NAALADL2: variants seen among roughly 807,000 people sequenced by gnomAD.
NAALADL2 encodes the protein N-acetylated alpha-linked acidic dipeptidase like 2, also known as inactive N-acetylated-alpha-linked acidic dipeptidase-like protein 2.
Under a neutral mutation model 87.2 loss-of-function variants are expected in NAALADL2, and 76 were observed. The ratio of observed to expected loss-of-function variants is 0.87; its 90% CI spans 0.72 to 1.05. NAALADL2 has a LOEUF of 1.05. Among genes scored for constraint, NAALADL2 ranks in the 50% least tolerant of loss-of-function variants. The probability of loss-of-function intolerance (pLI) is 0.00; values close to 1 mark genes in which losing one functional copy is unlikely to be tolerated. For missense variants in NAALADL2, 1,089 were observed against 945.8 expected (o/e 1.15, Z -1.99); for synonymous variants, 354 against 331.0 (o/e 1.07, Z -0.75).
chr3:174,622,352 A>T (rs1721094633), intron 2 of NAALADL2, among the ~76,000 whole-genome samples: 1 of 152,224 alleles, frequency 6.6e-6, no homozygotes, highest in African/African-American at 2.4e-5. Context: ...TTGGATTGAT[A>T]AAAGGATTAA....
At chr3:174,930,614 C>CTGTTTTTTTTT (rs1736720881) in intron 1 of NAALADL2, among the ~76,000 whole-genome samples, 1 of 66,798 alleles carries the variant, frequency 1.5e-5, no homozygotes, top group African/African-American at 6.3e-5. Flanking sequence ...ATAAGATGAA[C>CTGTTTTTTTTT]TTTTTTTTTT....
intron 4 of NAALADL2, among the ~76,000 whole-genome samples, chr3:175,281,315 C>T (rs1754280546): frequency 6.6e-6 from 1 of 151,622 alleles, no homozygotes; most frequent in South Asian, 2.1e-4. Flanking sequence ...CTTTTTATTG[C>T]CAGTTAAGGT....
intron 10 of NAALADL2, among the ~76,000 whole-genome samples, chr3:175,583,788 T>A (rs545004783): frequency 1.3e-4 from 20 of 152,344 alleles, no homozygotes; most frequent in Admixed American, 9.8e-4. Flanking sequence ...GGTTTCTTTT[T>A]AAAAAACTGA....
At chr3:174,674,711 A>G (rs1033654975) in intron 2 of NAALADL2, among the ~76,000 whole-genome samples, 14 of 151,858 alleles carry the variant, frequency 9.2e-5, no homozygotes, top group Admixed American at 9.2e-4. Context: ...ATTTTTTTAC[A>G]CTATCATTTT....
chr3:175,729,837 A>G (rs1414226459), intron 11 of NAALADL2, among the ~76,000 whole-genome samples: 1 of 151,236 alleles, frequency 6.6e-6, no homozygotes. Context: ...CATGTAAAAC[A>G]GGTGTTATGC....
chr3:175,737,539 A>C, intron 12 of NAALADL2, 140 bp downstream of exon 12: 2 of 584,380 alleles, frequency 3.4e-6, no homozygotes, highest in Non-Finnish European at 3.0e-6. Flanking sequence ...CCTGGGAAGG[A>C]CCTGGAAGAA....
chr3:175,051,913 C>A (rs1233797258), intron 1 of NAALADL2, among the ~76,000 whole-genome samples: 1 of 152,198 alleles, frequency 6.6e-6, no homozygotes, highest in Non-Finnish European at 1.5e-5. Flanking sequence ...TTGCCGAGAC[C>A]AGCTCGGCTG....
At chr3:175,311,002 C>T (rs1252382313) in intron 4 of NAALADL2, among the ~76,000 whole-genome samples, 1 of 151,542 alleles carries the variant, frequency 6.6e-6, no homozygotes, top group South Asian at 2.1e-4. Flanking sequence ...ATGTTTCCCC[C>T]GCAATATTGG....
At chr3:174,737,602 C>A (rs915058033) in intron 2 of NAALADL2, 2 of 152,080 alleles carry the variant, frequency 1.3e-5, no homozygotes, top group Admixed American at 1.3e-4. Flanking sequence ...TTATCTGATG[C>A]GGTTCCCAAT....
At chr3:174,665,120 C>T (rs1725844400) in intron 2 of NAALADL2, among the ~76,000 whole-genome samples, 1 of 152,076 alleles carries the variant, frequency 6.6e-6, no homozygotes, top group African/African-American at 2.4e-5. Context: ...TCTCAGCAGA[C>T]TTGAGAAAGA....
intron 1 of NAALADL2, among the ~76,000 whole-genome samples, chr3:175,045,080 T>TTGCCTTTG (rs1375916204): frequency 6.6e-6 from 1 of 152,144 alleles, no homozygotes; most frequent in Non-Finnish European, 1.5e-5. Flanking sequence ...ACATAAAATT[T>TTGCCTTTG]TGCCTTTGTT....
chr3:174,719,565 A>T (rs1731514326), intron 2 of NAALADL2, among the ~76,000 whole-genome samples: 1 of 152,122 alleles, frequency 6.6e-6, no homozygotes, highest in Admixed American at 6.5e-5. Flanking sequence ...ACTCACGTAT[A>T]CTCCCTAATA....
intron 2 of NAALADL2, among the ~76,000 whole-genome samples, chr3:175,173,164 C>T (rs1233988713): frequency 1.3e-5 from 2 of 151,812 alleles, no homozygotes; most frequent in Middle Eastern, 3.4e-3. Flanking sequence ...TGGTGGCAGG[C>T]GCCTGTAGTC....
At chr3:174,580,855 T>C (rs749143720) in intron 2 of NAALADL2, among the ~76,000 whole-genome samples, 1 of 152,058 alleles carries the variant, frequency 6.6e-6, no homozygotes, top group Non-Finnish European at 1.5e-5. Context: ...TACCTAAGAG[T>C]GGAATGGTTG....
intron 1 of NAALADL2, among the ~76,000 whole-genome samples, chr3:174,896,158 A>G (rs1317435767): frequency 6.6e-6 from 1 of 152,144 alleles, no homozygotes; most frequent in Non-Finnish European, 1.5e-5. Context: ...GTGGTTCTAC[A>G]TAGTACTGGA....
intron 13 of NAALADL2, among the ~76,000 whole-genome samples, chr3:175,759,638 G>T (rs1471867339): frequency 6.6e-6 from 1 of 152,168 alleles, no homozygotes; most frequent in Admixed American, 6.5e-5. Context: ...TTACAGGCGT[G>T]AGCCACCATG....
rs192098735 is a variant in NAALADL2 at position 174,472,933 on chromosome 3, C to T, written c.-184+31901C>T. On this transcript the variant is annotated intron_variant, in intron 1 of 3. Transcript: ENST00000434257. ...CATTACGTTCAATGAGTAGGAGATA[C>T]GAAAATATCACCTAGGTTATATTAT... Among the ~76,000 whole-genome samples the T allele has an allele frequency of 6.6e-5, 10 of 152,034 alleles. No homozygotes were observed. The East Asian group carries it at 7.7e-4, about 12-fold the overall frequency.
At chr3:175,456,560 T>A (rs1047261906) in intron 6 of NAALADL2, among the ~76,000 whole-genome samples, 1 of 152,100 alleles carries the variant, frequency 6.6e-6, no homozygotes, top group African/African-American at 2.4e-5. Flanking sequence ...GAATTTTTTT[T>A]AAATCTTGAA....
rs577680631 is a variant in NAALADL2 at position 174,705,713 on chromosome 3, G to A, written c.-114-31928G>A. Among the ~76,000 whole-genome samples the A allele has an allele frequency of 1.7e-3, 255 of 151,534 alleles. 1 individual carries two copies. The highest frequency in any genetic ancestry group is 6.1e-3 in the African/African-American group (250 of 41,246). On this transcript the variant is annotated intron_variant, in intron 2 of 3. Transcript: ENST00000434257. Reference sequence around the variant, plus strand: ...CAGGAGAATGGCGTGAACCCGGGAGGCGGAGCTTGCAGTGAGCCGAGATCG... The same window carrying A: ...CAGGAGAATGGCGTGAACCCGGGAGACGGAGCTTGCAGTGAGCCGAGATCG...
Sources: gnomAD v4.1 joint callset for allele counts (sites outside exome capture counted in the v4.1 genomes callset) on GRCh38, gnomAD v4.1.1 for gene constraint, MANE v1.5 for transcripts, NCBI Gene and HGNC (gene_info 2026-07-23, HGNC 2026-07-21) for gene names.